The following CDH12 variants were observed in gnomAD, a reference collection of about 807,000 sequenced individuals.
The protein encoded by CDH12 is cadherin 12, also known as cadherin-12.
Under a neutral mutation model 74.1 loss-of-function variants are expected in CDH12, and 41 were observed. The ratio of observed to expected loss-of-function variants is 0.55; its 90% CI spans 0.43 to 0.72. CDH12 has a LOEUF of 0.72. Ranked by LOEUF, CDH12 falls within the 30% of genes least tolerant of loss-of-function variation. CDH12 has a pLI of 0.00. For missense variants in CDH12, 945 were observed against 977.2 expected, an observed-to-expected ratio of 0.97 and a Z score of 0.44; for synonymous variants, 399 against 355.0, an observed-to-expected ratio of 1.12 and a Z score of -1.39.
chr5:22,437,411 C>T (rs1271704497), intron 2 of CDH12, among the ~76,000 whole-genome samples: 1 of 151,630 alleles, frequency 6.6e-6, no homozygotes, highest in African/African-American at 2.4e-5. Flanking sequence ...TTAATACAAA[C>T]TATTTTTTTT....
chr5:22,810,736 C>T (rs1044631697), intron 1 of CDH12, among the ~76,000 whole-genome samples: 2 of 152,010 alleles, frequency 1.3e-5, no homozygotes, highest in South Asian at 2.1e-4. Flanking sequence ...CAAAATTAAC[C>T]GGGCCAGTGG....
intron 1 of CDH12, among the ~76,000 whole-genome samples, chr5:22,834,452 T>C (rs2126507600): frequency 6.6e-6 from 1 of 152,296 alleles, no homozygotes; most frequent in African/African-American, 2.4e-5. Flanking sequence ...GATGTTAATT[T>C]TAATGAGCAC....
intron 1 of CDH12, among the ~76,000 whole-genome samples, chr5:22,620,113 C>T (rs1165957447): frequency 1.3e-5 from 2 of 151,930 alleles, no homozygotes; most frequent in Admixed American, 1.3e-4. Flanking sequence ...TGCTTTTAAT[C>T]ATAGCTAAGT....
intron 2 of CDH12, among the ~76,000 whole-genome samples, chr5:22,494,766 G>A (rs1025878001): frequency 6.6e-6 from 1 of 152,158 alleles, no homozygotes; most frequent in Non-Finnish European, 1.5e-5. Context: ...ATCCCATGAA[G>A]AGCCTGTGAG....
At chr5:21,842,528 A>C (rs1179364264) in intron 7 of CDH12, among the ~76,000 whole-genome samples, 200 bp from the exon 8 acceptor site, 1 of 152,178 alleles carries the variant, frequency 6.6e-6, no homozygotes, top group African/African-American at 2.4e-5. Flanking sequence ...GTAGCTACAC[A>C]ACAAAATGCC....
chr5:21,951,244 ATATT>A (rs4028766), intron 6 of CDH12, among the ~76,000 whole-genome samples: 40 of 151,958 alleles, frequency 2.6e-4, no homozygotes, highest in African/African-American at 8.4e-4. Context: ...AAGATTATTA[ATATT>A]TATTTATTTA....
intron 1 of CDH12, among the ~76,000 whole-genome samples, chr5:22,520,638 G>T (rs1189331799): frequency 6.6e-6 from 1 of 152,050 alleles, no homozygotes; most frequent in African/African-American, 2.4e-5. Flanking sequence ...AGGTGTGGAG[G>T]AGCTCAACAC....
intron 5 of CDH12, among the ~76,000 whole-genome samples, chr5:22,046,759 T>C (rs1411814185): frequency 6.6e-6 from 1 of 152,186 alleles, no homozygotes; most frequent in East Asian, 1.9e-4. Flanking sequence ...AAGAAAATTG[T>C]TCCTTATGGT....
chr5:22,198,799 A>G (rs1162765357), intron 4 of CDH12, among the ~76,000 whole-genome samples: 1 of 152,120 alleles, frequency 6.6e-6, no homozygotes. Context: ...AAACATTTCA[A>G]TAAATATAAC....
intron 1 of CDH12, among the ~76,000 whole-genome samples, chr5:22,828,192 C>G (rs1736427243): frequency 1.3e-5 from 2 of 151,902 alleles, no homozygotes; most frequent in South Asian, 4.1e-4. Context: ...AAACCCTTAC[C>G]CTAAATGGAT....
intron 3 of CDH12, among the ~76,000 whole-genome samples, chr5:22,242,645 G>A (rs1752791824): frequency 6.6e-6 from 1 of 152,112 alleles, no homozygotes; most frequent in African/African-American, 2.4e-5. Flanking sequence ...GCTTAGGATG[G>A]TGGTAAAAGA....
At chr5:22,783,975 T>C (rs530433590) in intron 1 of CDH12, among the ~76,000 whole-genome samples, 3 of 152,274 alleles carry the variant, frequency 2.0e-5, no homozygotes, top group South Asian at 4.1e-4. Flanking sequence ...ATCAGAAATA[T>C]ATATTTATGC....
chr5:22,326,677 G>A (rs1395373758), intron 3 of CDH12, among the ~76,000 whole-genome samples: 2 of 152,190 alleles, frequency 1.3e-5, no homozygotes, highest in Non-Finnish European at 2.9e-5. Flanking sequence ...ACATTAGGAA[G>A]AAATGTTTCC....
chr5:22,536,141 G>A (rs908715317), intron 1 of CDH12, among the ~76,000 whole-genome samples: 1 of 152,166 alleles, frequency 6.6e-6, no homozygotes, highest in East Asian at 1.9e-4. Flanking sequence ...CATGGATACC[G>A]AGGAAAGACT....
chr5:21,751,378 C>G lies in CDH12; in HGVS notation c.*359G>C. ...TAGTGGAATTAAGAAAAATCTAACA[C>G]TCTTCCACCGTGATGCCACATAGCT... On this transcript the variant is annotated 3_prime_UTR_variant, in exon 15 of 15. Transcript: ENST00000382254. 4.7e-6 allele frequency: 1 copy of G among 210,606 alleles called. No individual in the cohort carries two copies. The highest frequency in any genetic ancestry group is 5.2e-5 in the Admixed American group (1 of 19,136). The allele number at this position is 210,606 out of a possible 1,614,324, so 13.0% of individuals were successfully genotyped here.
intron 4 of CDH12, among the ~76,000 whole-genome samples, chr5:22,207,849 A>G (rs13165380): frequency 2.0e-5 from 3 of 152,212 alleles, no homozygotes; most frequent in Non-Finnish European, 1.5e-5. Context: ...GCTAAGGAGA[A>G]AAAAGATCTC....
intron 3 of CDH12, among the ~76,000 whole-genome samples, chr5:22,317,885 T>C (rs1037094838): frequency 6.6e-6 from 1 of 152,194 alleles, no homozygotes; most frequent in African/African-American, 2.4e-5. Flanking sequence ...GACAGCAAGA[T>C]TCACTTGCAA....
intron 6 of CDH12, among the ~76,000 whole-genome samples, chr5:21,947,784 C>T (rs571172319): frequency 7.4e-4 from 113 of 152,288 alleles, no homozygotes; most frequent in South Asian, 4.6e-3. Flanking sequence ...CATGGCAGCC[C>T]TTCTCATCAC....
At chr5:22,479,350 G>A (rs1043970849) in intron 2 of CDH12, among the ~76,000 whole-genome samples, 7 of 152,118 alleles carry the variant, frequency 4.6e-5, no homozygotes, top group African/African-American at 1.7e-4. Context: ...TAAGTGCCAG[G>A]CACAACACTA....
Sources: gnomAD v4.1 joint callset for allele counts (sites outside exome capture counted in the v4.1 genomes callset) on GRCh38, gnomAD v4.1.1 for gene constraint, MANE v1.5 for transcripts, NCBI Gene and HGNC (gene_info 2026-07-23, HGNC 2026-07-21) for gene names.